CSMD1: variants seen among roughly 807,000 people sequenced by gnomAD.
CSMD1 encodes CUB and sushi domain-containing protein 1.
CSMD1 carries 213 observed loss-of-function variants against 417.5 expected under a neutral mutation model. The ratio of observed to expected loss-of-function variants is 0.51; its 90% confidence interval spans 0.46 to 0.57. The LOEUF is 0.57. Ranked by LOEUF, CSMD1 falls within the 20% of genes least tolerant of loss-of-function variation. The probability of loss-of-function intolerance (pLI) is 0.00; values close to 1 mark genes in which losing one functional copy is unlikely to be tolerated. For synonymous variants in CSMD1, 2,862 were observed against 1,736.8 expected (o/e 1.65, Z -16.11); for missense variants, 6,923 against 4,529.7 (o/e 1.53, Z -15.17).
intron 1 of CSMD1, among the ~76,000 whole-genome samples, chr8:4,712,967 C>G (rs903220451): frequency 5.9e-5 from 9 of 152,160 alleles, no homozygotes; most frequent in Admixed American, 1.3e-4. Flanking sequence ...TCTATAAAGG[C>G]AAATCCACGG....
At chr8:3,495,885 TC>T in intron 10 of CSMD1, among the ~76,000 whole-genome samples, 1 of 152,278 alleles carries the variant, frequency 6.6e-6, no homozygotes, top group East Asian at 1.9e-4. Flanking sequence ...GCTCCATATT[TC>T]TTTTTTTACA....
chr8:3,762,821 T>C (rs754359456), intron 5 of CSMD1, among the ~76,000 whole-genome samples: 2 of 152,166 alleles, frequency 1.3e-5, no homozygotes, highest in Non-Finnish European at 2.9e-5. Context: ...CACGCAGCCG[T>C]GTGTAAGGCA....
intron 3 of CSMD1, among the ~76,000 whole-genome samples, chr8:4,036,397 A>G (rs934610545): frequency 2.0e-5 from 3 of 152,212 alleles, no homozygotes; most frequent in African/African-American, 7.2e-5. Flanking sequence ...AGCAGTGTAG[A>G]AATGTATTGA....
chr8:3,254,709 T>C (rs563094765), intron 26 of CSMD1, among the ~76,000 whole-genome samples: 1 of 152,338 alleles, frequency 6.6e-6, no homozygotes, highest in East Asian at 1.9e-4. Flanking sequence ...CGAGCCTTGG[T>C]TTTCAGCTCC....
At chr8:3,731,591 G>C (rs1417810108) in intron 6 of CSMD1, among the ~76,000 whole-genome samples, 3 of 152,098 alleles carry the variant, frequency 2.0e-5, no homozygotes, top group African/African-American at 7.2e-5. Flanking sequence ...TTTTGAAAGT[G>C]ATATGAACTT....
chr8:4,467,515 G>A lies in CSMD1; in HGVS notation c.303-47450C>T, dbSNP rs374711750. On this transcript the variant is annotated intron_variant, in intron 2 of 69. Transcript: ENST00000635120. ...AGGATAGAGTTCTGACTTAAGCACA[G>A]ACAACTTTTTTCTTTACTTAGCACA... Among the ~76,000 whole-genome samples, 51 of 152,256 alleles carry A rather than the reference G, an allele frequency of 3.3e-4. 1 individual carries two copies. Among genetic ancestry groups the A allele is most frequent in the Admixed American group, 2.9e-3 (44 of 15,288 alleles).
intron 3 of CSMD1, among the ~76,000 whole-genome samples, chr8:4,289,739 A>G (rs1334708779): frequency 6.6e-6 from 1 of 152,182 alleles, no homozygotes; most frequent in Non-Finnish European, 1.5e-5. Flanking sequence ...TGGGTAATGC[A>G]TTGTGAATAA....
chr8:3,180,813 T>A (rs990368959), intron 37 of CSMD1, among the ~76,000 whole-genome samples: 2 of 151,868 alleles, frequency 1.3e-5, no homozygotes, highest in African/African-American at 4.8e-5. Flanking sequence ...TTTGTATTAT[T>A]ATTATTTTTT....
intron 1 of CSMD1, among the ~76,000 whole-genome samples, chr8:4,816,192 G>A (rs1009801514): frequency 7.4e-6 from 1 of 135,846 alleles, no homozygotes; most frequent in East Asian, 2.2e-4. Flanking sequence ...CTTGTTATTT[G>A]CTTTTTTTTT....
In CSMD1 at chr8:4,683,318, A is replaced by G. The variant is rs930038615; in HGVS notation, c.86-45760T>C. On this transcript the variant is annotated intron_variant, in intron 1 of 69. Coordinates refer to ENST00000635120, the MANE Select transcript of CSMD1 (RefSeq NM_033225.6). Reference sequence around the variant, plus strand: ...AAATCCAAAGTACATTTAATAGTAAATGCATTTCCAACTAGGTACACAGGC... The same window carrying G: ...AAATCCAAAGTACATTTAATAGTAAGTGCATTTCCAACTAGGTACACAGGC... 5.3e-5 allele frequency among the ~76,000 whole-genome samples: 8 copies of G among 152,156 alleles called. No individual in the cohort carries two copies. In the South Asian group the frequency reaches 1.4e-3, roughly 28 times the overall value.
chr8:4,461,929 G>C (rs1028718098), intron 2 of CSMD1, among the ~76,000 whole-genome samples: 2 of 151,810 alleles, frequency 1.3e-5, no homozygotes, highest in African/African-American at 2.4e-5. Context: ...TTTTAGAAGA[G>C]ACGGGGTTTC....
chr8:3,435,837 G>T (rs1031634200), intron 12 of CSMD1, among the ~76,000 whole-genome samples: 13 of 152,288 alleles, frequency 8.5e-5, no homozygotes, highest in Admixed American at 8.5e-4. Context: ...ACATGGCAGG[G>T]GGCTGATGCC....
At chr8:4,418,727 A>G (rs997578809) in intron 3 of CSMD1, among the ~76,000 whole-genome samples, 2 of 152,162 alleles carry the variant, frequency 1.3e-5, no homozygotes, top group Admixed American at 6.6e-5. Flanking sequence ...TACAATCAAA[A>G]CTGAAAGCTA....
chr8:4,842,348 C>A (rs537102997), intron 1 of CSMD1, among the ~76,000 whole-genome samples: 4 of 152,286 alleles, frequency 2.6e-5, no homozygotes, highest in Admixed American at 2.6e-4. Flanking sequence ...TAATATCTGA[C>A]TTTGGCTTAA....
chr8:4,166,668 G>T (rs1277058493), intron 3 of CSMD1, among the ~76,000 whole-genome samples: 2 of 152,230 alleles, frequency 1.3e-5, no homozygotes, highest in South Asian at 2.1e-4. Flanking sequence ...CACTGCTGGG[G>T]TGATGGGTGC....
intron 11 of CSMD1, among the ~76,000 whole-genome samples, chr8:3,487,350 C>T (rs1309447546): frequency 1.1e-4 from 17 of 151,996 alleles, no homozygotes; most frequent in South Asian, 2.1e-4. Context: ...TACAGGCGCC[C>T]GCCACCACGC....
intron 25 of CSMD1, among the ~76,000 whole-genome samples, chr8:3,292,087 C>T (rs1365398722): frequency 6.6e-6 from 1 of 152,122 alleles, no homozygotes; most frequent in African/African-American, 2.4e-5. Context: ...ATTATTTACT[C>T]AGTAGTCATT....
intron 5 of CSMD1, among the ~76,000 whole-genome samples, chr8:3,838,156 T>C (rs550703507): frequency 2.0e-5 from 3 of 152,226 alleles, no homozygotes; most frequent in Admixed American, 6.6e-5. Flanking sequence ...ATACTAAGTA[T>C]TGCAGAATAC....
At chr8:4,005,776 G>A (rs1233047433) in intron 4 of CSMD1, among the ~76,000 whole-genome samples, 2 of 152,158 alleles carry the variant, frequency 1.3e-5, no homozygotes, top group African/African-American at 2.4e-5. Context: ...ATTAACATCA[G>A]AATAATTAGT....
Sources: allele counts gnomAD v4.1 joint callset (sites outside exome capture counted in the v4.1 genomes callset), GRCh38; gene constraint gnomAD v4.1.1; transcripts MANE v1.5; gene names NCBI Gene and HGNC (gene_info 2026-07-23, HGNC 2026-07-21).